PKP2: variants seen among roughly 807,000 people sequenced by gnomAD.
PKP2 encodes plakophilin-2.
In PKP2, 73 loss-of-function variants were observed where a neutral mutation model predicts 83.4. The observed-to-expected ratio is 0.88, with a 90% confidence interval of 0.72 to 1.06. The LOEUF (loss-of-function observed/expected upper bound fraction) is 1.06. PKP2 is among the 50% of genes least tolerant of loss of function. The pLI is 0.00. For synonymous variants in PKP2, 409 were observed against 430.4 expected, an observed-to-expected ratio of 0.95 and a Z score of 0.62; for missense variants, 966 against 1,065.4, an observed-to-expected ratio of 0.91 and a Z score of 1.30.
chr12:32,794,378 T>C (rs1956102369), intron 11 of PKP2, among the ~76,000 whole-genome samples: 1 of 152,222 alleles, frequency 6.6e-6, no homozygotes, highest in Non-Finnish European at 1.5e-5. Context: ...TGATAATTAG[T>C]TCCCAGGCTA....
intron 5 of PKP2, chr12:32,843,332 A>G: frequency 7.3e-7 from 1 of 1,364,796 alleles, no homozygotes; most frequent in South Asian, 1.1e-5. Context: ...AGGAAAGAGG[A>G]AGCATAGGTA....
chr12:32,877,985 G>T lies in PKP2; in HGVS notation c.895C>A (p.Arg299Ser). Residue 299 changes from arginine to serine, a missense_variant, in exon 3 of 13, where the codon CGC becomes AGC. Coordinates refer to ENST00000340811, the MANE Select transcript of PKP2 (RefSeq NM_001005242.3). The stretch of plus-strand genomic sequence containing the variant: ...CTGGGCCCAGCTTCCCTCAGCGTGC[G>T]GGTGCTGTGGAAGGAGCTCTGATGC... ...SWHQSSFHSTRTLREAGPSVA... is the reference protein window; with the variant it reads ...SWHQSSFHSTSTLREAGPSVA... 1 of 1,614,024 alleles carries T rather than the reference G, an allele frequency of 6.2e-7. No homozygotes were observed. Among genetic ancestry groups the T allele is most frequent in the South Asian group, 1.1e-5 (1 of 91,080 alleles).
intron 3 of PKP2, among the ~76,000 whole-genome samples, chr12:32,873,857 G>A (rs1161498158): frequency 3.3e-5 from 5 of 152,156 alleles, no homozygotes; most frequent in Admixed American, 2.0e-4. Context: ...ATGCTTACTG[G>A]GAAGGACCTA....
At chr12:32,815,658 T>TA (rs1956313886) in intron 9 of PKP2, among the ~76,000 whole-genome samples, 1 of 152,214 alleles carries the variant, frequency 6.6e-6, no homozygotes, top group Admixed American at 6.5e-5. Flanking sequence ...TCTTGAGAAC[T>TA]AAAATCTCGC....
chr12:32,896,695 T>C lies in PKP2; in HGVS notation c.37A>G (p.Ile13Val). 2 of 1,523,432 alleles carry C rather than the reference T, an allele frequency of 1.3e-6. No individual in the cohort carries two copies. Among genetic ancestry groups the C allele is most frequent in the Non-Finnish European group, 8.8e-7 (1 of 1,142,832 alleles). 94.4% of individuals were successfully genotyped at this position (1,523,432 alleles called of 1,614,324 possible). A position where few individuals can be genotyped will look rare whatever the true frequency, so the allele number is the denominator to read the frequency against. ...ATCTGCTGGCCCAGGACGGTCCGGA[T>C]GTAGCCGTACTCAGCTGGGGCGCCG... ...APGAPAEYGY[I>V]RTVLGQQILG... Residue 13 changes from isoleucine (I) to valine (V), a missense_variant, in exon 1 of 13, where the codon ATC becomes GTC. Physicochemically the swap from Ile to Val is conservative, Grantham distance 29. Coordinates refer to ENST00000340811, the MANE Select transcript of PKP2 (RefSeq NM_001005242.3).
In PKP2 at chr12:32,799,512, T is replaced by C. The variant is rs542361751; in HGVS notation, c.2167+2891A>G. Among the ~76,000 whole-genome samples, 16 of 152,266 alleles carry C rather than the reference T, an allele frequency of 1.1e-4. No homozygotes were observed. The South Asian group carries it at 3.1e-3, about 30-fold the overall frequency. The stretch of plus-strand genomic sequence containing the variant: ...ATGTTTATAGCAGCACAATTCACAA[T>C]TGCAAAATATGGAGCCAACCTAAAT... On this transcript the variant is annotated intron_variant, in intron 10 of 12. Transcript: ENST00000340811.
chr12:32,808,558 C>T (rs577751558), intron 9 of PKP2, among the ~76,000 whole-genome samples: 11 of 152,282 alleles, frequency 7.2e-5, no homozygotes, highest in Middle Eastern at 3.4e-3. Flanking sequence ...ATCGCAGTTC[C>T]GAGGCCTTGC....
At position 32,878,986 on chromosome 12, in the gene PKP2, T is replaced by C. The variant is rs1956961729; in HGVS notation, c.270A>G (p.Leu90=). The C allele has an allele frequency of 2.5e-6, 4 of 1,608,538 alleles. No individual in the cohort carries two copies. Among genetic ancestry groups the C allele is most frequent in the Non-Finnish European group, 3.4e-6 (4 of 1,176,672 alleles). Residue 90 remains leucine (L), a synonymous_variant, in exon 2 of 13, where the codon CTA becomes CTG. Transcript: ENST00000340811. ...CAACAAAATCATTTTCAACCAAGTG[T>C]AGGTTGTAGACATACTCAGGAACAC... ...TSSVPEYVYN[L]HLVENDFVGG... is the part of the protein sequence containing the mutation.
chr12:32,826,637 T>TA (rs940671999), intron 6 of PKP2, among the ~76,000 whole-genome samples: 2 of 151,526 alleles, frequency 1.3e-5, no homozygotes, highest in East Asian at 1.9e-4. Context: ...TTTGTTCATT[T>TA]AAAAAAAAAT....
intron 6 of PKP2, among the ~76,000 whole-genome samples, chr12:32,825,427 T>C (rs1358350688): frequency 6.6e-6 from 1 of 152,154 alleles, no homozygotes; most frequent in Non-Finnish European, 1.5e-5. Flanking sequence ...CGCCTTGGCC[T>C]CCCAAAGTGC....
chr12:32,792,835 G>C lies in PKP2; in HGVS notation c.2358-104C>G, dbSNP rs6488092. 530,262 of 861,848 alleles carry C rather than the reference G, an allele frequency of 0.62. 170,767 individuals are homozygous for C. Among genetic ancestry groups the C allele is most frequent in the Non-Finnish European group, 0.68 (343,642 of 504,202 alleles). The allele number at this position is 861,848 out of a possible 1,614,324, so 53.4% of individuals were successfully genotyped here. ...CTCTTCGCTCCTCAACTGCTACTCC[G>C]CAGCAGCCATCCATGAAGTCAGGCC... is the stretch of plus-strand genomic sequence containing the variant. On this transcript the variant is annotated intron_variant, in intron 11 of 12. Transcript: ENST00000340811.
At position 32,824,171 on chromosome 12, in the gene PKP2, A is replaced by G. The variant is rs778969163; in HGVS notation, c.1557-9T>C. The G allele has an allele frequency of 1.9e-6, 3 of 1,543,658 alleles. No individual in the cohort carries two copies. Among genetic ancestry groups the G allele is most frequent in the Non-Finnish European group, 2.7e-6 (3 of 1,118,958 alleles). ...CAGCAGAACTCATGTTTCTATCAGA[A>G]AAAACAAAAAACAAAAAAGTAAGTC... On this transcript the variant is annotated splice_polypyrimidine_tract_variant and intron_variant, in intron 6 of 12. Coordinates refer to ENST00000340811, the MANE Select transcript of PKP2 (RefSeq NM_001005242.3).
At position 32,802,760 on chromosome 12, in the gene PKP2, G is replaced by A. The variant is rs1421961810; in HGVS notation, c.2014-204C>T. Among the ~76,000 whole-genome samples, 6 of 152,076 alleles carry A rather than the reference G, an allele frequency of 3.9e-5. No homozygotes were observed. The East Asian group carries it at 9.7e-4, about 25-fold the overall frequency. On this transcript the variant is annotated intron_variant, in intron 9 of 12. Coordinates refer to ENST00000340811, the MANE Select transcript of PKP2 (RefSeq NM_001005242.3). ...CACAACCTCCACCTCCCAGGTTCAA[G>A]TGATTCTCCTGCCTCAGCCTCCAGA...
Position 32,878,131 on chromosome 12 carries a change from C to T in PKP2, c.749G>A (p.Arg250His), listed in dbSNP as rs369332786. ...LLTYPRPGTS[R>H]SMGNLLEKEN... is the part of the protein sequence containing the mutation. Reference sequence around the variant, plus strand: ...CTTCTCCAAGAGGTTGCCCATGCTGCGGCTGGTCCCTGGCCTGGGGTACGT... The same window carrying T: ...CTTCTCCAAGAGGTTGCCCATGCTGTGGCTGGTCCCTGGCCTGGGGTACGT... The change falls in exon 3 of 13, where the codon CGC becomes CAC. Residue 250 changes from arginine (R) to histidine (H), a missense_variant. Transcript: ENST00000340811. 29 of 1,614,098 alleles carry T rather than the reference C, an allele frequency of 1.8e-5. No homozygotes were observed. The highest frequency in any genetic ancestry group is 6.7e-5 in the East Asian group (3 of 44,896).
At chr12:32,823,088 C>A (rs1956398454) in intron 7 of PKP2, among the ~76,000 whole-genome samples, 1 of 152,130 alleles carries the variant, frequency 6.6e-6, no homozygotes, top group Non-Finnish European at 1.5e-5. Context: ...ACTCAGATTT[C>A]CATCTTCTTT....
At chr12:32,822,721 G>T in intron 7 of PKP2, 90 bp from the exon 8 acceptor site, 3 of 1,424,542 alleles carry the variant, frequency 2.1e-6, no homozygotes, top group Non-Finnish European at 2.9e-6. Flanking sequence ...GCTCTTACAA[G>T]GTTTACCAGA....
At chr12:32,837,246 T>C (rs1956551812) in intron 6 of PKP2, among the ~76,000 whole-genome samples, 1 of 152,214 alleles carries the variant, frequency 6.6e-6, no homozygotes, top group Admixed American at 6.5e-5. Context: ...AATACTAATG[T>C]ATCTAGCATA....
At chr12:32,824,278 A>T in intron 6 of PKP2, 116 bp from the exon 7 acceptor site, 1 of 760,074 alleles carries the variant, frequency 1.3e-6, no homozygotes, top group Non-Finnish European at 2.4e-6. Context: ...CAAATTTGTA[A>T]AAGTGTGGCA....
chr12:32,871,058 C>T (rs1399744746), intron 3 of PKP2, among the ~76,000 whole-genome samples: 2 of 152,112 alleles, frequency 1.3e-5, no homozygotes, highest in Non-Finnish European at 2.9e-5. Flanking sequence ...TCAAGTCCAA[C>T]TCCATAACAC....
Sources: gnomAD v4.1 joint callset for allele counts (sites outside exome capture counted in the v4.1 genomes callset) on GRCh38, gnomAD v4.1.1 for gene constraint, MANE v1.5 for transcripts, NCBI Gene and HGNC (gene_info 2026-07-23, HGNC 2026-07-21) for gene names.